Variants in TRPC5 observed in about 807,000 individuals in gnomAD.
TRPC5 encodes transient receptor potential cation channel subfamily C member 5.
In TRPC5, 9 loss-of-function variants were observed where a neutral mutation model predicts 56.5. The observed-to-expected ratio is 0.16, with a 90% CI of 0.10 to 0.28. The LOEUF (loss-of-function observed/expected upper bound fraction) is 0.28, where lower values mean the gene tolerates loss of function less well. Among genes scored for constraint, TRPC5 ranks in the 10% least tolerant of loss-of-function variants. The probability of loss-of-function intolerance (pLI) is 1.00; values close to 1 mark genes in which losing one functional copy is unlikely to be tolerated. For synonymous variants in TRPC5, 282 were observed against 278.5 expected (o/e 1.01, Z -0.13); for missense variants, 469 against 748.9 (o/e 0.63, Z 4.36).
intron 1 of TRPC5, among the ~76,000 whole-genome samples, chrX:111,983,501 G>C (rs1316064945): frequency 2.7e-5 from 3 of 111,705 alleles, no homozygotes; most frequent in Non-Finnish European, 5.6e-5. Flanking sequence ...TGCCCATTCA[G>C]AGAGGTCTAT....
intron 1 of TRPC5, among the ~76,000 whole-genome samples, chrX:111,964,109 C>A (rs1430649517): frequency 9.0e-6 from 1 of 111,569 alleles, no homozygotes; most frequent in Non-Finnish European, 1.9e-5. Flanking sequence ...CTAGAATAAC[C>A]AATGCAGAGA....
intron 1 of TRPC5, among the ~76,000 whole-genome samples, chrX:112,012,373 T>C (rs780572140): frequency 9.8e-5 from 11 of 111,754 alleles, no homozygotes; most frequent in Non-Finnish European, 1.9e-4. Context: ...AGTCTCTTTT[T>C]TTTTCTTTTC....
At chrX:111,987,798 C>T (rs1417159063) in intron 1 of TRPC5, among the ~76,000 whole-genome samples, 1 of 112,514 alleles carries the variant, frequency 8.9e-6, no homozygotes, top group Non-Finnish European at 1.9e-5. Context: ...GAGGAGCCCC[C>T]TCTTACTCAT....
At chrX:111,898,264 T>C (rs1156507965) in intron 3 of TRPC5, among the ~76,000 whole-genome samples, 3 of 97,087 alleles carry the variant, frequency 3.1e-5, no homozygotes, top group African/African-American at 1.3e-4. Flanking sequence ...TATATATATA[T>C]ATATATATAT....
intron 1 of TRPC5, among the ~76,000 whole-genome samples, chrX:111,964,200 G>A (rs1011715516): frequency 8.0e-5 from 9 of 111,952 alleles, no homozygotes; most frequent in East Asian, 5.6e-4. Context: ...GAGCTGATGC[G>A]ATCAACTGGA....
chrX:111,866,112 C>G (rs1265224890), intron 3 of TRPC5, among the ~76,000 whole-genome samples: 1 of 113,563 alleles, frequency 8.8e-6, no homozygotes, highest in Non-Finnish European at 1.9e-5. Flanking sequence ...CTTTCAAACA[C>G]TGCACTCTCT....
chrX:111,991,645 CA>C (rs1237802366), intron 1 of TRPC5, among the ~76,000 whole-genome samples: 1 of 112,118 alleles, frequency 8.9e-6, no homozygotes, highest in East Asian at 2.8e-4. Flanking sequence ...GGCTCCTGCA[CA>C]TCATTTTCTA....
intron 1 of TRPC5, among the ~76,000 whole-genome samples, chrX:112,041,032 T>G (rs1314405680): frequency 8.9e-6 from 1 of 112,103 alleles, no homozygotes; most frequent in Non-Finnish European, 1.9e-5. Flanking sequence ...TTACCCCACC[T>G]GAGAGGTGAG....
chrX:111,970,775 G>GTTT (rs761229610), intron 1 of TRPC5, among the ~76,000 whole-genome samples: 6,848 of 92,911 alleles, frequency 0.074, 608 homozygotes, highest in African/African-American at 0.21. Context: ...TCACATTACC[G>GTTT]TTTTTTTTTT....
At chrX:111,795,033 GT>G (rs1237214018) in intron 7 of TRPC5, among the ~76,000 whole-genome samples, 1 of 111,426 alleles carries the variant, frequency 9.0e-6, no homozygotes, top group Non-Finnish European at 1.9e-5. Context: ...GTTCTAGGAA[GT>G]TTTTTTGTAG....
chrX:111,908,557 C>G (rs1925703645), intron 3 of TRPC5, among the ~76,000 whole-genome samples: 1 of 111,023 alleles, frequency 9.0e-6, no homozygotes, highest in African/African-American at 3.3e-5. Flanking sequence ...TTGACAGTCA[C>G]TCACTATCCC....
At chrX:111,906,728 C>T (rs1198566088) in intron 3 of TRPC5, among the ~76,000 whole-genome samples, 2 of 111,860 alleles carry the variant, frequency 1.8e-5, no homozygotes, top group Non-Finnish European at 3.8e-5. Context: ...TGATGCTTCT[C>T]CCCCACAAAC....
intron 1 of TRPC5, among the ~76,000 whole-genome samples, chrX:111,978,026 T>C (rs1927977294): frequency 9.0e-6 from 1 of 111,297 alleles, no homozygotes; most frequent in African/African-American, 3.3e-5. Flanking sequence ...GGAATGTAAA[T>C]TAGTGCAGCC....
chrX:111,990,430 A>AATG (rs1928324177), intron 1 of TRPC5, among the ~76,000 whole-genome samples: 2 of 110,920 alleles, frequency 1.8e-5, no homozygotes, highest in South Asian at 7.8e-4. Context: ...AAATAATAAT[A>AATG]ATAATTCTAT....
intron 1 of TRPC5, among the ~76,000 whole-genome samples, chrX:111,964,164 C>A (rs1429114665): frequency 9.8e-5 from 11 of 111,895 alleles, no homozygotes; most frequent in Non-Finnish European, 3.8e-5. Context: ...GGCTCGAGAA[C>A]TACGTGAAGA....
intron 3 of TRPC5, among the ~76,000 whole-genome samples, chrX:111,908,919 CTGAGGCCAGGAGTT>C (rs747112501): frequency 2.7e-5 from 3 of 110,143 alleles, no homozygotes; most frequent in South Asian, 3.9e-4. Flanking sequence ...GGAAGATCAC[CTGAGGCCAGGAGTT>C]TGAGGCCAGG....
At chrX:112,031,296 T>C (rs763704181) in intron 1 of TRPC5, among the ~76,000 whole-genome samples, 34 of 112,034 alleles carry the variant, frequency 3.0e-4, no homozygotes, top group Non-Finnish European at 3.6e-4. Flanking sequence ...GATTATTTCC[T>C]GCTCCCTCCA....
intron 1 of TRPC5, among the ~76,000 whole-genome samples, chrX:112,048,621 G>A (rs1930133466): frequency 9.0e-6 from 1 of 110,731 alleles, no homozygotes. Context: ...AGAAGATACA[G>A]CCCAATTCCA....
At chrX:111,939,803 G>T (rs1926716415) in intron 2 of TRPC5, among the ~76,000 whole-genome samples, 1 of 110,497 alleles carries the variant, frequency 9.1e-6, no homozygotes, top group Admixed American at 9.7e-5. Context: ...TCTTAGTCTG[G>T]CTAAAAGTTT....
Sources: gnomAD v4.1 joint callset for allele counts (sites outside exome capture counted in the v4.1 genomes callset) on GRCh38, gnomAD v4.1.1 for gene constraint, MANE v1.5 for transcripts, NCBI Gene and HGNC (gene_info 2026-07-23, HGNC 2026-07-21) for gene names.